The following UBE2F variants were observed in gnomAD, a reference collection of about 807,000 sequenced individuals.
UBE2F encodes NEDD8-conjugating enzyme UBE2F.
Under a neutral mutation model 29.6 loss-of-function variants are expected in UBE2F, and 5 were observed. The observed-to-expected ratio is 0.17, with a 90% CI of 0.09 to 0.36. The LOEUF (loss-of-function observed/expected upper bound fraction) is 0.36. Ranked by LOEUF, UBE2F falls within the 10% of genes least tolerant of loss-of-function variation. The pLI is 1.00. For synonymous variants in UBE2F, 66 were observed against 81.8 expected, an observed-to-expected ratio of 0.81 and a Z score of 1.04; for missense variants, 141 against 228.5, an observed-to-expected ratio of 0.62 and a Z score of 2.47.
At chr2:238,037,900 T>C (rs2064753472) in intron 9 of UBE2F, among the ~76,000 whole-genome samples, 1 of 152,208 alleles carries the variant, frequency 6.6e-6, no homozygotes, top group South Asian at 2.1e-4. Flanking sequence ...CTGATGTAGC[T>C]TTGAACACAG....
At chr2:237,984,527 A>G (rs972039802) in intron 2 of UBE2F, among the ~76,000 whole-genome samples, 2 of 152,164 alleles carry the variant, frequency 1.3e-5, no homozygotes, top group South Asian at 2.1e-4. Flanking sequence ...CTAACTCTGC[A>G]GGACTAAATT....
chr2:237,971,291 T>G (rs1576584563), intron 1 of UBE2F, among the ~76,000 whole-genome samples: 1 of 152,136 alleles, frequency 6.6e-6, no homozygotes, highest in East Asian at 1.9e-4. Context: ...ACAAAGGAAA[T>G]TATGGAAATA....
intron 4 of UBE2F, among the ~76,000 whole-genome samples, chr2:238,009,614 C>G (rs1048904965): frequency 1.3e-5 from 2 of 152,204 alleles, no homozygotes; most frequent in Non-Finnish European, 1.5e-5. Flanking sequence ...GTCTCAGCAT[C>G]TCTATACAAT....
At position 238,012,913 on chromosome 2, in the gene UBE2F, G is replaced by A. The variant is rs528849946; in HGVS notation, c.215-3653G>A. Among the ~76,000 whole-genome samples the A allele has an allele frequency of 5.9e-5, 9 of 152,320 alleles. 1 individual carries two copies. The South Asian group carries it at 1.9e-3, about 32-fold the overall frequency. On this transcript the variant is annotated intron_variant, in intron 4 of 9. Transcript: ENST00000272930. ...CATCCCTGCCATCAGACTCCACAGT[G>A]TCTGAACCCAAGACACTCCAGCGTG...
chr2:238,037,038 C>A (rs544002248), intron 9 of UBE2F, among the ~76,000 whole-genome samples: 36 of 152,216 alleles, frequency 2.4e-4, no homozygotes, highest in Admixed American at 2.2e-3. Flanking sequence ...ATTTTTAGGA[C>A]AGCACCCTGA....
intron 4 of UBE2F, among the ~76,000 whole-genome samples, chr2:238,014,826 G>A (rs1016002049): frequency 1.3e-5 from 2 of 152,196 alleles, no homozygotes; most frequent in African/African-American, 4.8e-5. Context: ...TGTACTCTGA[G>A]TATTTTATAT....
chr2:237,984,599 A>G (rs947675451), intron 2 of UBE2F, among the ~76,000 whole-genome samples: 1 of 152,188 alleles, frequency 6.6e-6, no homozygotes, highest in African/African-American at 2.4e-5. Flanking sequence ...ACAGCTGGAG[A>G]GAATCTCCCT....
At chr2:238,028,335 C>G (rs1330394037) in intron 6 of UBE2F, among the ~76,000 whole-genome samples, 1 of 152,260 alleles carries the variant, frequency 6.6e-6, no homozygotes, top group East Asian at 1.9e-4. Context: ...GTTGATTGAG[C>G]TTAGGCACTG....
chr2:238,027,123 T>C (rs1310451380), intron 6 of UBE2F, among the ~76,000 whole-genome samples: 1 of 152,132 alleles, frequency 6.6e-6, no homozygotes, highest in African/African-American at 2.4e-5. Flanking sequence ...AGTCAGATGA[T>C]TAGCAAAGCC....
chr2:237,969,138 C>G (rs2063120991), intron 1 of UBE2F, among the ~76,000 whole-genome samples: 1 of 152,100 alleles, frequency 6.6e-6, no homozygotes, highest in Non-Finnish European at 1.5e-5. Flanking sequence ...AAACAAAGCA[C>G]CAGTGTTACA....
At chr2:237,990,826 G>A (rs1242484442) in intron 3 of UBE2F, among the ~76,000 whole-genome samples, 1 of 149,466 alleles carries the variant, frequency 6.7e-6, no homozygotes, top group Non-Finnish European at 1.5e-5. Context: ...GTGTTGCCCA[G>A]GCTGATCTCA....
At chr2:237,975,686 C>T (rs982563966) in intron 2 of UBE2F, among the ~76,000 whole-genome samples, 1 of 152,096 alleles carries the variant, frequency 6.6e-6, no homozygotes, top group Admixed American at 6.6e-5. Flanking sequence ...TTTTTTAAGA[C>T]AGAATGCAGT....
intron 3 of UBE2F, among the ~76,000 whole-genome samples, chr2:237,994,086 G>A (rs114163266): frequency 0.021 from 3,231 of 150,666 alleles, 121 homozygotes; most frequent in African/African-American, 0.075. Flanking sequence ...AGTCCTGGGC[G>A]CACTCTTCTT....
chr2:237,990,652 T>G, intron 3 of UBE2F: 1 of 173,546 alleles, frequency 5.8e-6, no homozygotes, highest in Non-Finnish European at 1.2e-5. Context: ...TCCCAGCTAC[T>G]CGGGAGGCTG....
chr2:237,981,846 C>T (rs1576594355), intron 2 of UBE2F, among the ~76,000 whole-genome samples: 1 of 152,064 alleles, frequency 6.6e-6, no homozygotes, highest in Non-Finnish European at 1.5e-5. Flanking sequence ...AGGCTGGTCT[C>T]AAACTCCTGA....
At chr2:238,036,436 T>A (rs2064709690) in intron 9 of UBE2F, among the ~76,000 whole-genome samples, 1 of 151,978 alleles carries the variant, frequency 6.6e-6, no homozygotes, top group Non-Finnish European at 1.5e-5. Flanking sequence ...TGCCTTGTCC[T>A]CCCAAAATGC....
intron 2 of UBE2F, among the ~76,000 whole-genome samples, chr2:237,987,004 TG>T (rs1314596973): frequency 4.6e-5 from 7 of 152,224 alleles, no homozygotes; most frequent in South Asian, 2.1e-4. Context: ...ATTTTAGAAT[TG>T]TTTTTTTAAT....
intron 4 of UBE2F, among the ~76,000 whole-genome samples, chr2:238,011,807 C>T (rs2064036601): frequency 6.6e-6 from 1 of 152,166 alleles, no homozygotes; most frequent in Non-Finnish European, 1.5e-5. Context: ...ATTAGATGGG[C>T]ATGGAAAGTG....
At chr2:238,027,435 T>C (rs2064457723) in intron 6 of UBE2F, among the ~76,000 whole-genome samples, 1 of 152,180 alleles carries the variant, frequency 6.6e-6, no homozygotes, top group Non-Finnish European at 1.5e-5. Flanking sequence ...CAGAAGACCA[T>C]GAAGTGTGGC....
Sources: allele counts gnomAD v4.1 joint callset (sites outside exome capture counted in the v4.1 genomes callset), GRCh38; gene constraint gnomAD v4.1.1; transcripts MANE v1.5; gene names NCBI Gene and HGNC (gene_info 2026-07-23, HGNC 2026-07-21).